The following ROR1 variants were observed in gnomAD, a reference collection of about 807,000 sequenced individuals.
ROR1 encodes ROR family WNT receptor 1.
Under a neutral mutation model 78.8 loss-of-function variants are expected in ROR1, and 19 were observed. That is an observed-to-expected ratio of 0.24 (90% CI 0.17 to 0.35). The LOEUF (loss-of-function observed/expected upper bound fraction) is 0.35, where lower values mean the gene tolerates loss of function less well. Among genes scored for constraint, ROR1 ranks in the 10% least tolerant of loss-of-function variants. The pLI is 1.00. For synonymous variants in ROR1, 386 were observed against 433.6 expected, an observed-to-expected ratio of 0.89 and a Z score of 1.36; for missense variants, 917 against 1,177.8, an observed-to-expected ratio of 0.78 and a Z score of 3.24.
intron 4 of ROR1, chr1:64,111,482 C>G (rs1296610684): frequency 6.6e-6 from 1 of 152,190 alleles, no homozygotes; most frequent in African/African-American, 2.4e-5. Context: ...ATTTCAACAA[C>G]AGCTTTAGGA....
intron 1 of ROR1, among the ~76,000 whole-genome samples, chr1:63,993,058 A>G (rs1283905420): frequency 6.6e-6 from 1 of 152,232 alleles, no homozygotes; most frequent in African/African-American, 2.4e-5. Context: ...AAATATGGAC[A>G]TGCAGCGATA....
At chr1:63,959,208 T>C (rs761661921) in intron 1 of ROR1, among the ~76,000 whole-genome samples, 1 of 152,000 alleles carries the variant, frequency 6.6e-6, no homozygotes, top group Non-Finnish European at 1.5e-5. Context: ...AACCATCAGA[T>C]CTTGTGAGAA....
chr1:64,064,342 C>T (rs1646940467), intron 4 of ROR1, among the ~76,000 whole-genome samples: 1 of 152,108 alleles, frequency 6.6e-6, no homozygotes, highest in African/African-American at 2.4e-5. Context: ...GGGTTATCAC[C>T]CAAAGCAAAA....
intron 1 of ROR1, among the ~76,000 whole-genome samples, chr1:63,809,717 C>T (rs551917856): frequency 1.3e-5 from 2 of 152,318 alleles, no homozygotes; most frequent in South Asian, 4.1e-4. Flanking sequence ...ATATATGTCA[C>T]TTCAGGCAAG....
At chr1:63,842,250 A>G (rs970726108) in intron 1 of ROR1, among the ~76,000 whole-genome samples, 1 of 141,500 alleles carries the variant, frequency 7.1e-6, no homozygotes, top group African/African-American at 3.2e-5. Context: ...CTTGCAAATG[A>G]ACTTGCCTGC....
intron 1 of ROR1, among the ~76,000 whole-genome samples, chr1:63,886,117 T>C (rs1167768786): frequency 6.6e-6 from 1 of 152,002 alleles, no homozygotes; most frequent in Non-Finnish European, 1.5e-5. Context: ...CACAGTAGAG[T>C]TCACGCTCCT....
At chr1:64,160,688 T>A (rs1341946107) in intron 8 of ROR1, among the ~76,000 whole-genome samples, 4 of 152,246 alleles carry the variant, frequency 2.6e-5, no homozygotes, top group South Asian at 2.1e-4. Flanking sequence ...TTAATATTGC[T>A]ACACATTCAC....
At chr1:63,925,107 C>A (rs1569920148) in intron 1 of ROR1, among the ~76,000 whole-genome samples, 1 of 150,302 alleles carries the variant, frequency 6.7e-6, no homozygotes. Context: ...TGGTGCGCTG[C>A]ACCCACTAAC....
chr1:64,138,658 G>A lies in ROR1; in HGVS notation c.610+1162G>A, dbSNP rs563759597. 3.3e-5 allele frequency among the ~76,000 whole-genome samples: 5 copies of A among 151,290 alleles called. No individual in the cohort carries two copies. In the South Asian group the frequency reaches 8.3e-4, roughly 25 times the overall value. ...CTTCCTAGGTTCATGCCATTCTCCT[G>A]CATCAGCCTCCTGGAGGACTTTTTA... On this transcript the variant is annotated intron_variant, in intron 5 of 8. Transcript: ENST00000371079.
chr1:64,067,314 T>C (rs925336197), intron 4 of ROR1, among the ~76,000 whole-genome samples: 2 of 151,332 alleles, frequency 1.3e-5, no homozygotes, highest in African/African-American at 4.9e-5. Context: ...ACTACTGTAC[T>C]CCAGCCTGGG....
At chr1:63,933,827 G>C (rs74343004) in intron 1 of ROR1, among the ~76,000 whole-genome samples, 8 of 152,306 alleles carry the variant, frequency 5.3e-5, no homozygotes, top group Non-Finnish European at 8.8e-5. Flanking sequence ...ACACATCCCA[G>C]GTGAGACATG....
chr1:64,039,376 T>A (rs1295890504), intron 2 of ROR1, among the ~76,000 whole-genome samples: 2 of 152,092 alleles, frequency 1.3e-5, no homozygotes, highest in Non-Finnish European at 2.9e-5. Flanking sequence ...ACTTTATGGA[T>A]CCCCAGAGGA....
Position 64,179,037 on chromosome 1 carries a change from A to AC in ROR1, c.*182_*183insC. ...GACACTCGGCCAGAAAAAAAAAAAA[A>AC]AAAAAAAAACAAGCAAACAAAAACA... On this transcript the variant is annotated 3_prime_UTR_variant, in exon 9 of 9. Transcript: ENST00000371079. 2 of 542,738 alleles carry AC rather than the reference A, an allele frequency of 3.7e-6. No individual in the cohort carries two copies. The highest frequency in any genetic ancestry group is 6.4e-6 in the Non-Finnish European group (2 of 311,036). The allele number at this position is 542,738 out of a possible 1,614,324, so 33.6% of individuals were successfully genotyped here.
chr1:63,933,818 C>T (rs1241632722), intron 1 of ROR1, among the ~76,000 whole-genome samples: 4 of 152,184 alleles, frequency 2.6e-5, no homozygotes, highest in Non-Finnish European at 5.9e-5. Context: ...GTTGAACATA[C>T]ACATCCCAGG....
At chr1:64,110,966 C>G (rs74544369) in intron 4 of ROR1, 25,812 of 150,874 alleles carry the variant, frequency 0.17, 2,458 homozygotes, top group Non-Finnish European at 0.2. Context: ...CTCTAGAGGT[C>G]GGGGGTGAAG....
intron 4 of ROR1, among the ~76,000 whole-genome samples, chr1:64,104,080 T>C (rs915380955): frequency 3.9e-5 from 6 of 152,278 alleles, no homozygotes; most frequent in South Asian, 4.1e-4. Flanking sequence ...AGCGCTGAGA[T>C]TGAGAAACTC....
At chr1:64,092,605 T>C (rs1476251261) in intron 4 of ROR1, among the ~76,000 whole-genome samples, 2 of 152,172 alleles carry the variant, frequency 1.3e-5, no homozygotes, top group Admixed American at 1.3e-4. Context: ...CCTGAATTAA[T>C]GTTCTGGTGA....
intron 1 of ROR1, among the ~76,000 whole-genome samples, chr1:63,863,574 C>A (rs1645195558): frequency 6.6e-6 from 1 of 152,098 alleles, no homozygotes; most frequent in Non-Finnish European, 1.5e-5. Flanking sequence ...TGCTTGCCAG[C>A]TGAAACTGAA....
At chr1:64,092,964 A>T (rs1389473347) in intron 4 of ROR1, among the ~76,000 whole-genome samples, 1 of 152,150 alleles carries the variant, frequency 6.6e-6, no homozygotes, top group Admixed American at 6.5e-5. Context: ...ACAGACATAG[A>T]TGTTTTCACA....
Sources: gnomAD v4.1 joint callset for allele counts (sites outside exome capture counted in the v4.1 genomes callset) on GRCh38, gnomAD v4.1.1 for gene constraint, MANE v1.5 for transcripts, NCBI Gene and HGNC (gene_info 2026-07-23, HGNC 2026-07-21) for gene names.